EIF2B3: variants seen among roughly 807,000 people sequenced by gnomAD.
EIF2B3 encodes eukaryotic translation initiation factor 2B subunit gamma, also known as translation initiation factor eIF2B subunit gamma.
Under a neutral mutation model 54.1 loss-of-function variants are expected in EIF2B3, and 20 were observed. The observed-to-expected ratio is 0.37, with a 90% CI of 0.26 to 0.54. The LOEUF (loss-of-function observed/expected upper bound fraction) is 0.54. Among genes scored for constraint, EIF2B3 ranks in the 20% least tolerant of loss-of-function variants. The pLI, the probability that EIF2B3 is intolerant of heterozygous loss-of-function variation, is 0.86. For synonymous variants in EIF2B3, 153 were observed against 188.1 expected, an observed-to-expected ratio of 0.81 and a Z score of 1.52; for missense variants, 448 against 547.8, an observed-to-expected ratio of 0.82 and a Z score of 1.82.
At chr1:44,926,580 T>C (rs776973264) in intron 5 of EIF2B3, 48 bp downstream of exon 5, 16 of 1,508,300 alleles carry the variant, frequency 1.1e-5, no homozygotes, top group Non-Finnish European at 1.4e-5. Flanking sequence ...GGTTTTATTT[T>C]GTTTTAAGAC....
chr1:44,862,666 C>T (rs958331727), intron 10 of EIF2B3, among the ~76,000 whole-genome samples: 3 of 152,198 alleles, frequency 2.0e-5, no homozygotes, highest in African/African-American at 4.8e-5. Context: ...CACACTGTCG[C>T]CCGGACTGGA....
At chr1:44,901,249 G>A (rs1262798122) in intron 5 of EIF2B3, among the ~76,000 whole-genome samples, 5 of 152,018 alleles carry the variant, frequency 3.3e-5, no homozygotes, top group Non-Finnish European at 7.4e-5. Context: ...CATAGGAGGT[G>A]AGATTACAAG....
At chr1:44,915,299 CA>C (rs111866175) in intron 5 of EIF2B3, among the ~76,000 whole-genome samples, 22,427 of 143,940 alleles carry the variant, frequency 0.16, 1,770 homozygotes, top group Non-Finnish European at 0.18. Flanking sequence ...GACCCTGTCT[CA>C]AAAAAAAAAA....
At chr1:44,860,427 G>A (rs1159222175) in intron 10 of EIF2B3, among the ~76,000 whole-genome samples, 1 of 152,134 alleles carries the variant, frequency 6.6e-6, no homozygotes, top group African/African-American at 2.4e-5. Context: ...TCTCGGATAG[G>A]AGCTAAATGT....
intron 2 of EIF2B3, 70 bp downstream of exon 2, chr1:44,980,951 G>T: frequency 6.3e-7 from 1 of 1,586,524 alleles, no homozygotes. Flanking sequence ...TTCTCATAAC[G>T]CTGACAAATC....
At chr1:44,879,695 T>G (rs1655323604) in intron 8 of EIF2B3, 123 bp downstream of exon 8, 1 of 1,154,570 alleles carries the variant, frequency 8.7e-7, no homozygotes, top group Non-Finnish European at 1.3e-6. Context: ...TGCCAGGTCT[T>G]GCTCAACCTT....
chr1:44,916,652 C>A (rs114310974), intron 5 of EIF2B3, among the ~76,000 whole-genome samples: 2 of 150,132 alleles, frequency 1.3e-5, no homozygotes, highest in Admixed American at 6.6e-5. Context: ...GAGACTTCCT[C>A]GCAACAAAAA....
At chr1:44,908,005 G>A (rs192153151) in intron 5 of EIF2B3, among the ~76,000 whole-genome samples, 1 of 150,798 alleles carries the variant, frequency 6.6e-6, no homozygotes, top group East Asian at 2.0e-4. Flanking sequence ...AGTCTATTTT[G>A]CATCTCATGA....
chr1:44,947,483 G>A (rs964902426), intron 3 of EIF2B3, among the ~76,000 whole-genome samples: 3 of 152,144 alleles, frequency 2.0e-5, no homozygotes, highest in African/African-American at 4.8e-5. Context: ...TCAGAAAACC[G>A]GATGTGTGTG....
intron 3 of EIF2B3, among the ~76,000 whole-genome samples, chr1:44,973,939 C>A (rs1341727433): frequency 6.6e-6 from 1 of 152,068 alleles, no homozygotes; most frequent in East Asian, 1.9e-4. Flanking sequence ...GTACACTTGA[C>A]CCAAATTTTC....
At chr1:44,924,164 T>C (rs955191693) in intron 5 of EIF2B3, among the ~76,000 whole-genome samples, 1 of 152,032 alleles carries the variant, frequency 6.6e-6, no homozygotes, top group African/African-American at 2.4e-5. Context: ...ATGGTCTTGA[T>C]CTCCTGACCT....
At chr1:44,937,430 A>G (rs1643960923) in intron 4 of EIF2B3, 1 of 152,278 alleles carries the variant, frequency 6.6e-6, no homozygotes, top group Middle Eastern at 3.4e-3. Flanking sequence ...TAAATAAGAG[A>G]GCAGGCTGCT....
Position 44,875,684 on chromosome 1 carries a change from C to T in EIF2B3, c.987G>A (p.Leu329=). The T allele has an allele frequency of 6.2e-7, 1 of 1,614,144 alleles. No homozygotes were observed. The highest frequency in any genetic ancestry group is 8.5e-7 in the Non-Finnish European group (1 of 1,180,006). ...GTTCTTCTGGACAGAGAGCAGACAG[C>T]AATTTGGGCACCTTAAGGACAGAGA... is the stretch of plus-strand genomic sequence containing the variant. ...YMEANRQVPK[L]LSALCPEEPP... is the part of the protein sequence containing the mutation. Residue 329 remains leucine (L), a synonymous_variant, in exon 9 of 12, where the codon TTG becomes TTA. Transcript: ENST00000360403.
chr1:44,931,557 G>A (rs568405608), intron 4 of EIF2B3, among the ~76,000 whole-genome samples: 1 of 152,348 alleles, frequency 6.6e-6, no homozygotes, highest in African/African-American at 2.4e-5. Context: ...AGACTCATAA[G>A]CAAGTAAATG....
intron 1 of EIF2B3, among the ~76,000 whole-genome samples, chr1:44,985,713 T>A (rs1644567104): frequency 6.6e-6 from 1 of 152,110 alleles, no homozygotes; most frequent in Admixed American, 6.6e-5. Flanking sequence ...ATCATGAACA[T>A]AACTAATCAT....
intron 11 of EIF2B3, 136 bp downstream of exon 11, chr1:44,857,568 A>AAAGATGGC: frequency 1.2e-6 from 1 of 842,962 alleles, no homozygotes; most frequent in Non-Finnish European, 2.0e-6. Flanking sequence ...ACTGCTCTCC[A>AAAGATGGC]AAGATGGCTT....
At chr1:44,952,556 A>G (rs993823612) in intron 3 of EIF2B3, among the ~76,000 whole-genome samples, 2 of 141,508 alleles carry the variant, frequency 1.4e-5, no homozygotes, top group African/African-American at 5.3e-5. Flanking sequence ...CTTTTCTCCA[A>G]TTTTTTTTTT....
intron 11 of EIF2B3, among the ~76,000 whole-genome samples, chr1:44,851,680 T>C (rs1046860043): frequency 1.6e-4 from 24 of 151,900 alleles, no homozygotes; most frequent in African/African-American, 5.6e-4. Flanking sequence ...GAATAGGAAA[T>C]GAGGGGATAA....
At position 44,879,970 on chromosome 1, in the gene EIF2B3, G is replaced by C; in HGVS notation, c.823C>G (p.Leu275Val). 1 of 1,614,198 alleles carries C rather than the reference G, an allele frequency of 6.2e-7. No individual in the cohort carries two copies. The highest frequency in any genetic ancestry group is 8.5e-7 in the Non-Finnish European group (1 of 1,180,040). ...SFIKEANTLNLAPYDACWNAC... is the reference protein window; with the variant it reads ...SFIKEANTLNVAPYDACWNAC... ...TTCCAGCAGGCATCATAGGGAGCCAGGTTCAGTGTATTGGCTTCTTTTATA... is the reference window on the plus strand; with the variant it reads ...TTCCAGCAGGCATCATAGGGAGCCACGTTCAGTGTATTGGCTTCTTTTATA... Residue 275 changes from leucine (L) to valine (V), a missense_variant, in exon 8 of 12, where the codon CTG becomes GTG. Transcript: ENST00000360403.
Sources: allele counts gnomAD v4.1 joint callset (sites outside exome capture counted in the v4.1 genomes callset), GRCh38; gene constraint gnomAD v4.1.1; transcripts MANE v1.5; gene names NCBI Gene and HGNC (gene_info 2026-07-23, HGNC 2026-07-21).